The following CDH10 variants were observed in gnomAD, a reference collection of about 807,000 sequenced individuals.
CDH10 encodes cadherin 10.
A neutral mutation model predicts 73.1 loss-of-function variants in CDH10; 30 were observed. The observed-to-expected ratio is 0.41, with a 90% confidence interval of 0.31 to 0.56. The LOEUF is 0.56. Ranked by LOEUF, CDH10 falls within the 20% of genes least tolerant of loss-of-function variation. The pLI, the probability that CDH10 is intolerant of heterozygous loss-of-function variation, is 0.27. For missense variants in CDH10, 815 were observed against 973.7 expected, an observed-to-expected ratio of 0.84 and a Z score of 2.17; for synonymous variants, 345 against 348.2, an observed-to-expected ratio of 0.99 and a Z score of 0.10.
At chr5:24,549,724 G>C (rs902035494) in intron 2 of CDH10, among the ~76,000 whole-genome samples, 2 of 151,796 alleles carry the variant, frequency 1.3e-5, no homozygotes, top group African/African-American at 4.8e-5. Flanking sequence ...GCTAATTTTT[G>C]TGTTTTTAGT....
chr5:24,622,405 G>T (rs2112171625), intron 1 of CDH10, among the ~76,000 whole-genome samples: 1 of 152,300 alleles, frequency 6.6e-6, no homozygotes, highest in East Asian at 1.9e-4. Context: ...TTCCTGGCTA[G>T]CCACAGCAAA....
chr5:24,596,909 A>C (rs1746390343), intron 1 of CDH10, among the ~76,000 whole-genome samples: 1 of 151,996 alleles, frequency 6.6e-6, no homozygotes, highest in African/African-American at 2.4e-5. Context: ...TAAAAATATT[A>C]CATAAGGGAG....
intron 5 of CDH10, among the ~76,000 whole-genome samples, chr5:24,514,450 C>T (rs7732522): frequency 0.017 from 2,568 of 152,252 alleles, 53 homozygotes; most frequent in African/African-American, 0.052. Context: ...TTCGACACAA[C>T]TCTGCCTGAT....
intron 7 of CDH10, among the ~76,000 whole-genome samples, chr5:24,508,639 CT>C (rs1239219006): frequency 6.8e-6 from 1 of 147,882 alleles, no homozygotes; most frequent in African/African-American, 2.7e-5. Context: ...CTGTCTTAAC[CT>C]CCTGAGTAGA....
Position 24,509,837 on chromosome 5 carries a change from T to C in CDH10, c.1003-18A>G, listed in dbSNP as rs1742834878. 2 of 1,589,114 alleles carry C rather than the reference T, an allele frequency of 1.3e-6. No homozygotes were observed. Among genetic ancestry groups the C allele is most frequent in the Non-Finnish European group, 1.7e-6 (2 of 1,168,080 alleles). Reference sequence around the variant, plus strand: ...TCGAGTGGCTGTATAAAAAAATAAATCATCAAATTAGAGTGAGGGAAATTG... The same window carrying C: ...TCGAGTGGCTGTATAAAAAAATAAACCATCAAATTAGAGTGAGGGAAATTG... On this transcript the variant is annotated intron_variant, in intron 6 of 11. Coordinates refer to ENST00000264463, the MANE Select transcript of CDH10 (RefSeq NM_006727.5).
chr5:24,600,098 T>G (rs559299932), intron 1 of CDH10, among the ~76,000 whole-genome samples: 1 of 152,196 alleles, frequency 6.6e-6, no homozygotes. Context: ...GTACTTACAT[T>G]GTAGTTTTCA....
chr5:24,639,253 A>G (rs1488910337), intron 1 of CDH10, among the ~76,000 whole-genome samples: 2 of 151,734 alleles, frequency 1.3e-5, no homozygotes, highest in Non-Finnish European at 3.0e-5. Flanking sequence ...CCCAGAATTT[A>G]CAATGGATTC....
Position 24,488,163 on chromosome 5 carries a change from AG to A in CDH10, c.1877-11del. On this transcript the variant is annotated splice_polypyrimidine_tract_variant and intron_variant, in intron 11 of 11. Transcript: ENST00000264463. ...AACAGTACTACTATAACTTGAAAAA[AG>A]ACAAGAAGATACATTAGACGTCCGT... 6.3e-7 allele frequency: 1 copy of A among 1,589,210 alleles called. No homozygotes were observed. Among genetic ancestry groups the A allele is most frequent in the South Asian group, 1.1e-5 (1 of 87,454 alleles).
At chr5:24,554,118 G>GAGAGAGAGAGAGAGA (rs1561159257) in intron 2 of CDH10, 2 of 26,208 alleles carry the variant, frequency 7.6e-5, no homozygotes, top group African/African-American at 2.7e-4. Context: ...GGGCGGGGGG[G>GAGAGAGAGAGAGAGA]GGAGAGAGAG....
chr5:24,583,364 T>C (rs1745871499), intron 2 of CDH10, among the ~76,000 whole-genome samples: 1 of 152,082 alleles, frequency 6.6e-6, no homozygotes, highest in African/African-American at 2.4e-5. Flanking sequence ...ACTAGGGATA[T>C]CTGAGGATCA....
At chr5:24,601,726 C>G (rs1161061729) in intron 1 of CDH10, among the ~76,000 whole-genome samples, 1 of 151,520 alleles carries the variant, frequency 6.6e-6, no homozygotes, top group Non-Finnish European at 1.5e-5. Context: ...GATTCAATAG[C>G]TATTTTTTTT....
chr5:24,541,755 T>C (rs1033983582), intron 2 of CDH10, among the ~76,000 whole-genome samples: 1 of 152,132 alleles, frequency 6.6e-6, no homozygotes. Flanking sequence ...AAAAGAATTT[T>C]ATGTTAATAC....
chr5:24,579,376 T>C (rs918776433), intron 2 of CDH10, among the ~76,000 whole-genome samples: 4 of 146,338 alleles, frequency 2.7e-5, no homozygotes, highest in African/African-American at 9.9e-5. Context: ...TATACATCTA[T>C]GTATATAGAT....
intron 2 of CDH10, among the ~76,000 whole-genome samples, chr5:24,554,716 ACTATT>A (rs1217802042): frequency 6.6e-6 from 1 of 152,128 alleles, no homozygotes; most frequent in Non-Finnish European, 1.5e-5. Flanking sequence ...AAAGAGAAAG[ACTATT>A]CTGAGAATGT....
intron 2 of CDH10, among the ~76,000 whole-genome samples, chr5:24,588,860 A>G (rs1746106888): frequency 2.6e-5 from 4 of 152,228 alleles, no homozygotes; most frequent in Admixed American, 2.6e-4. Flanking sequence ...AAAACAATAA[A>G]AACATGCTTT....
intron 2 of CDH10, among the ~76,000 whole-genome samples, chr5:24,575,454 TAA>T (rs1745568684): frequency 6.6e-6 from 1 of 152,040 alleles, no homozygotes; most frequent in African/African-American, 2.4e-5. Flanking sequence ...CGAATTACGT[TAA>T]GATACTTTAC....
intron 5 of CDH10, among the ~76,000 whole-genome samples, chr5:24,528,218 AT>A (rs1164981476): frequency 1.3e-5 from 2 of 151,646 alleles, no homozygotes; most frequent in South Asian, 2.1e-4. Context: ...AAGTAGGTTC[AT>A]TTTTTTTCTA....
At chr5:24,627,027 T>C (rs1330436105) in intron 1 of CDH10, among the ~76,000 whole-genome samples, 1 of 151,766 alleles carries the variant, frequency 6.6e-6, no homozygotes, top group Non-Finnish European at 1.5e-5. Flanking sequence ...CTTACCCTTC[T>C]ACCCAGAAGC....
Position 24,604,882 on chromosome 5 carries a change from A to C in CDH10, c.-123-11269T>G, listed in dbSNP as rs1451218210. 2.0e-5 allele frequency among the ~76,000 whole-genome samples: 3 copies of C among 150,844 alleles called. 1 individual carries two copies. Among genetic ancestry groups the C allele is most frequent in the African/African-American group, 7.4e-5 (3 of 40,428 alleles). ...GAGCAAGATGTCTCTAAAAAAAAAAAAAAAAAAAAAAAACAAAAACAAACA... is the reference window on the plus strand; with the variant it reads ...GAGCAAGATGTCTCTAAAAAAAAAACAAAAAAAAAAAAACAAAAACAAACA... On this transcript the variant is annotated intron_variant, in intron 1 of 11. Coordinates refer to ENST00000264463, the MANE Select transcript of CDH10 (RefSeq NM_006727.5).
Sources: gnomAD v4.1 joint callset for allele counts (sites outside exome capture counted in the v4.1 genomes callset) on GRCh38, gnomAD v4.1.1 for gene constraint, MANE v1.5 for transcripts, NCBI Gene and HGNC (gene_info 2026-07-23, HGNC 2026-07-21) for gene names.